SPIN1: variants seen among roughly 807,000 people sequenced by gnomAD.
The protein encoded by SPIN1 is spindlin-1.
Under a neutral mutation model 26.0 loss-of-function variants are expected in SPIN1, and 3 were observed. The ratio of observed to expected loss-of-function variants is 0.12; its 90% CI spans 0.05 to 0.30. The LOEUF (loss-of-function observed/expected upper bound fraction) is 0.30. Among genes scored for constraint, SPIN1 ranks in the 10% least tolerant of loss-of-function variants. SPIN1 has a pLI of 1.00. For synonymous variants in SPIN1, 101 were observed against 116.5 expected (o/e 0.87, Z 0.86); for missense variants, 126 against 333.4 (o/e 0.38, Z 4.84).
intron 4 of SPIN1, among the ~76,000 whole-genome samples, chr9:88,467,506 G>A (rs1828693254): frequency 6.6e-6 from 1 of 152,198 alleles, no homozygotes. Flanking sequence ...CCTTCTGAAG[G>A]TATGGGGAAG....
intron 2 of SPIN1, among the ~76,000 whole-genome samples, chr9:88,433,412 T>A (rs1178578032): frequency 6.6e-6 from 1 of 152,182 alleles, no homozygotes; most frequent in East Asian, 1.9e-4. Context: ...GCCTTTCTAG[T>A]GTTAGCCTTG....
intron 3 of SPIN1, among the ~76,000 whole-genome samples, chr9:88,452,456 C>CT (rs1160356827): frequency 2.0e-5 from 3 of 152,198 alleles, no homozygotes; most frequent in African/African-American, 7.2e-5. Flanking sequence ...GTGCGGGCAT[C>CT]TATGTGCACC....
intron 1 of SPIN1, among the ~76,000 whole-genome samples, chr9:88,405,202 A>G (rs938296510): frequency 6.6e-6 from 1 of 152,132 alleles, no homozygotes; most frequent in African/African-American, 2.4e-5. Flanking sequence ...ATCAAGTACA[A>G]TGTACTGTAC....
chr9:88,398,997 T>C (rs1399568217), intron 1 of SPIN1, among the ~76,000 whole-genome samples: 1 of 151,982 alleles, frequency 6.6e-6, no homozygotes, highest in Non-Finnish European at 1.5e-5. Context: ...GTTACAGTGA[T>C]TTGAGTTCAC....
At chr9:88,436,485 T>C (rs1177846532) in intron 2 of SPIN1, among the ~76,000 whole-genome samples, 1 of 152,164 alleles carries the variant, frequency 6.6e-6, no homozygotes, top group Non-Finnish European at 1.5e-5. Context: ...TGGAAGTTGA[T>C]GAACCTTCTT....
At chr9:88,393,915 T>C (rs1826993709) in intron 1 of SPIN1, among the ~76,000 whole-genome samples, 2 of 152,160 alleles carry the variant, frequency 1.3e-5, no homozygotes, top group Admixed American at 6.5e-5. Flanking sequence ...TGGTGTGACC[T>C]TGGCTTACTA....
chr9:88,429,263 G>T (rs1240753323), intron 2 of SPIN1, among the ~76,000 whole-genome samples: 1 of 152,170 alleles, frequency 6.6e-6, no homozygotes, highest in Non-Finnish European at 1.5e-5. Context: ...CAATCAAGCA[G>T]TTCTGCAGCA....
At chr9:88,441,996 G>A (rs1828143782) in intron 2 of SPIN1, among the ~76,000 whole-genome samples, 1 of 139,772 alleles carries the variant, frequency 7.2e-6, no homozygotes, top group South Asian at 2.2e-4. Flanking sequence ...CTGTCACCCA[G>A]CCTGGAGTGC....
At chr9:88,396,682 A>T (rs1273621830) in intron 1 of SPIN1, among the ~76,000 whole-genome samples, 2 of 152,132 alleles carry the variant, frequency 1.3e-5, no homozygotes, top group African/African-American at 4.8e-5. Flanking sequence ...AAGGGTACAC[A>T]TATAGTTGGT....
At chr9:88,441,898 T>C (rs939257850) in intron 2 of SPIN1, among the ~76,000 whole-genome samples, 2 of 149,510 alleles carry the variant, frequency 1.3e-5, no homozygotes, top group Admixed American at 1.3e-4. Context: ...TTTTCACTTA[T>C]TTCTTCTTTA....
intron 1 of SPIN1, among the ~76,000 whole-genome samples, chr9:88,388,872 T>C (rs1343009013): frequency 6.8e-6 from 1 of 147,306 alleles, no homozygotes; most frequent in East Asian, 2.1e-4. Context: ...AGCGCGCGCT[T>C]TGTTTGGAGC....
At chr9:88,449,015 G>C (rs748090677) in intron 3 of SPIN1, 26 bp downstream of exon 3, 2 of 1,611,160 alleles carry the variant, frequency 1.2e-6, no homozygotes, top group Non-Finnish European at 1.7e-6. Context: ...ACTGGTTCTA[G>C]ATAGTGTTTT....
At chr9:88,390,435 G>A (rs1036210625) in intron 1 of SPIN1, among the ~76,000 whole-genome samples, 1 of 152,166 alleles carries the variant, frequency 6.6e-6, no homozygotes, top group Non-Finnish European at 1.5e-5. Flanking sequence ...GGTTTAGGTG[G>A]TTTTCACTTC....
intron 2 of SPIN1, 24 bp from the exon 3 acceptor site, chr9:88,448,917 A>G: frequency 6.2e-7 from 1 of 1,611,416 alleles, no homozygotes. Flanking sequence ...GTTTTCATTG[A>G]CTATATACTC....
At chr9:88,473,643 T>TTG (rs113216961) in intron 5 of SPIN1, among the ~76,000 whole-genome samples, 2,547 of 119,332 alleles carry the variant, frequency 0.021, 54 homozygotes, top group African/African-American at 0.064. Flanking sequence ...TTCTCCAAAC[T>TTG]TGTGTGTGTG....
chr9:88,422,099 C>T lies in SPIN1; in HGVS notation c.-158-4283C>T, dbSNP rs563284005. On this transcript the variant is annotated intron_variant, in intron 1 of 5. Coordinates refer to ENST00000375859, the MANE Select transcript of SPIN1 (RefSeq NM_006717.3). ...GTAACATTTTCCCCTTTATAATTAACGAGTAACCTGTGGAGTTACTTGTTT... is the reference window on the plus strand; with the variant it reads ...GTAACATTTTCCCCTTTATAATTAATGAGTAACCTGTGGAGTTACTTGTTT... Among the ~76,000 whole-genome samples, 214 of 152,206 alleles carry T rather than the reference C, an allele frequency of 1.4e-3. 1 individual carries two copies. The highest frequency in any genetic ancestry group is 6.0e-4 in the Non-Finnish European group (41 of 68,022).
At chr9:88,448,457 T>TCC (rs1359935651) in intron 2 of SPIN1, among the ~76,000 whole-genome samples, 1 of 151,992 alleles carries the variant, frequency 6.6e-6, no homozygotes, top group Non-Finnish European at 1.5e-5. Context: ...GCTCAAGCAC[T>TCC]CCCCCCACCT....
At chr9:88,423,022 T>C (rs1014264119) in intron 1 of SPIN1, among the ~76,000 whole-genome samples, 1 of 152,214 alleles carries the variant, frequency 6.6e-6, no homozygotes, top group African/African-American at 2.4e-5. Flanking sequence ...GGAAGGACTC[T>C]TATCTGGAGT....
At chr9:88,405,997 TTGTGTGTCTGTGTG>T (rs1325293189) in intron 1 of SPIN1, among the ~76,000 whole-genome samples, 9,053 of 138,884 alleles carry the variant, frequency 0.065, 948 homozygotes, top group African/African-American at 0.23. Flanking sequence ...CGTGCCTGGC[TTGTGTGTCTGTGTG>T]TGTGTGTGTG....
Sources: allele counts gnomAD v4.1 joint callset (sites outside exome capture counted in the v4.1 genomes callset), GRCh38; gene constraint gnomAD v4.1.1; transcripts MANE v1.5; gene names NCBI Gene and HGNC (gene_info 2026-07-23, HGNC 2026-07-21).